Variants in ADGRL3 observed in about 807,000 individuals in gnomAD.
The protein encoded by ADGRL3 is calcium-independent alpha-latrotoxin receptor 3.
In ADGRL3, 62 loss-of-function variants were observed where a neutral mutation model predicts 153.5. That is an observed-to-expected ratio of 0.40 (90% CI 0.33 to 0.50). The LOEUF (loss-of-function observed/expected upper bound fraction) is 0.50. Ranked by LOEUF, ADGRL3 falls within the 20% of genes least tolerant of loss-of-function variation. The pLI is 0.47. For missense variants in ADGRL3, 1,641 were observed against 1,859.4 expected, an observed-to-expected ratio of 0.88 and a Z score of 2.16; for synonymous variants, 710 against 672.5, an observed-to-expected ratio of 1.06 and a Z score of -0.86.
chr4:61,413,057 G>A (rs1489233469), intron 2 of ADGRL3, among the ~76,000 whole-genome samples: 3 of 152,140 alleles, frequency 2.0e-5, no homozygotes, highest in African/African-American at 7.2e-5. Flanking sequence ...CGTTTGAGCT[G>A]GTTTCTTTTC....
intron 5 of ADGRL3, among the ~76,000 whole-genome samples, chr4:61,670,129 A>G (rs1432703566): frequency 1.3e-5 from 2 of 152,090 alleles, no homozygotes; most frequent in Non-Finnish European, 1.5e-5. Flanking sequence ...CCCCATCTGT[A>G]CTAAAAATAC....
intron 1 of ADGRL3, among the ~76,000 whole-genome samples, chr4:61,302,737 C>T (rs2094620187): frequency 6.6e-6 from 1 of 151,920 alleles, no homozygotes; most frequent in African/African-American, 2.4e-5. Flanking sequence ...TTTTTAAAAA[C>T]CAAGTACCCG....
intron 5 of ADGRL3, among the ~76,000 whole-genome samples, chr4:61,641,825 T>A (rs2093690326): frequency 6.7e-6 from 1 of 148,948 alleles, no homozygotes; most frequent in Non-Finnish European, 1.5e-5. Context: ...CTGGGACAAA[T>A]GGTATTTCTA....
chr4:61,704,565 C>T (rs2095823981), intron 6 of ADGRL3, among the ~76,000 whole-genome samples: 1 of 152,082 alleles, frequency 6.6e-6, no homozygotes, highest in Non-Finnish European at 1.5e-5. Flanking sequence ...CTGGTGGTTG[C>T]TGAAGGTTGG....
intron 3 of ADGRL3, among the ~76,000 whole-genome samples, chr4:61,501,212 A>G (rs560175537): frequency 1.3e-5 from 2 of 152,336 alleles, no homozygotes; most frequent in South Asian, 4.1e-4. Context: ...TAGATGTACT[A>G]AAGACAGGAC....
At chr4:62,051,155 CGT>C (rs71991802) in intron 25 of ADGRL3, among the ~76,000 whole-genome samples, 1,097 of 68,420 alleles carry the variant, frequency 0.016, 16 homozygotes, top group African/African-American at 0.055. Context: ...ACACAAAGAA[CGT>C]GTGTGTGTGT....
intron 9 of ADGRL3, among the ~76,000 whole-genome samples, chr4:61,835,053 T>C (rs1190615229): frequency 6.6e-6 from 1 of 152,172 alleles, no homozygotes; most frequent in African/African-American, 2.4e-5. Context: ...TGTTTTTACC[T>C]ACTTATTATA....
intron 7 of ADGRL3, among the ~76,000 whole-genome samples, chr4:61,731,571 C>T (rs949783069): frequency 1.3e-5 from 2 of 152,008 alleles, no homozygotes; most frequent in African/African-American, 4.8e-5. Context: ...TTCTATACTC[C>T]AAAGAAGCTC....
At chr4:61,859,797 TA>T (rs1561372933) in intron 9 of ADGRL3, among the ~76,000 whole-genome samples, 2 of 152,132 alleles carry the variant, frequency 1.3e-5, no homozygotes, top group Non-Finnish European at 2.9e-5. Flanking sequence ...TTATTCTTAC[TA>T]AAAAGGGAAG....
chr4:61,886,874 T>C (rs1374016106), intron 9 of ADGRL3, among the ~76,000 whole-genome samples: 1 of 151,998 alleles, frequency 6.6e-6, no homozygotes, highest in Non-Finnish European at 1.5e-5. Context: ...CTCAAACTCC[T>C]GACCTCAGAT....
At chr4:61,269,452 C>T (rs552184773) in intron 1 of ADGRL3, among the ~76,000 whole-genome samples, 13 of 151,648 alleles carry the variant, frequency 8.6e-5, no homozygotes, top group South Asian at 4.1e-4. Flanking sequence ...CCTCATTGTA[C>T]GAGACAGGTA....
intron 5 of ADGRL3, among the ~76,000 whole-genome samples, chr4:61,641,856 C>T (rs930516363): frequency 1.0e-4 from 15 of 148,842 alleles, no homozygotes; most frequent in African/African-American, 2.0e-4. Flanking sequence ...CCTGAGGAAT[C>T]GCCACACTGA....
intron 9 of ADGRL3, among the ~76,000 whole-genome samples, chr4:61,817,964 A>G (rs1470388878): frequency 6.6e-6 from 1 of 152,128 alleles, no homozygotes; most frequent in African/African-American, 2.4e-5. Flanking sequence ...GTAGAGACAC[A>G]GCCAAACCAT....
intron 1 of ADGRL3, among the ~76,000 whole-genome samples, chr4:61,252,762 T>C (rs556909610): frequency 6.6e-6 from 1 of 152,034 alleles, no homozygotes; most frequent in East Asian, 1.9e-4. Context: ...TTAATGATAC[T>C]ATTCTAAACT....
intron 2 of ADGRL3, among the ~76,000 whole-genome samples, chr4:61,463,037 A>T (rs964068119): frequency 6.6e-6 from 1 of 152,182 alleles, no homozygotes; most frequent in African/African-American, 2.4e-5. Context: ...GGTTAAAAGT[A>T]AAGTGAATAT....
At position 61,541,643 on chromosome 4, in the gene ADGRL3, G is replaced by A. The variant is rs114798605; in HGVS notation, c.259+24125G>A. 2.5e-3 allele frequency among the ~76,000 whole-genome samples: 374 copies of A among 152,114 alleles called. 4 individuals are homozygous for A. The highest frequency in any genetic ancestry group is 8.6e-3 in the African/African-American group (356 of 41,494). ...AGAAATAGGAGCTCTATTCAGCTTG[G>A]TTACCTGGACAGCAATTCCTCGCTA... is the stretch of plus-strand genomic sequence containing the variant. On this transcript the variant is annotated intron_variant, in intron 4 of 26. Transcript: ENST00000683033.
At chr4:61,694,025 C>A (rs1206802405) in intron 6 of ADGRL3, among the ~76,000 whole-genome samples, 1 of 151,918 alleles carries the variant, frequency 6.6e-6, no homozygotes, top group East Asian at 1.9e-4. Flanking sequence ...AAATACTGAA[C>A]AACAACAAAA....
chr4:61,977,647 T>C (rs571598745), intron 17 of ADGRL3, among the ~76,000 whole-genome samples: 8 of 152,270 alleles, frequency 5.3e-5, no homozygotes, highest in South Asian at 2.1e-4. Flanking sequence ...TCTGGCAGTA[T>C]GAGGAGTGTT....
intron 1 of ADGRL3, among the ~76,000 whole-genome samples, chr4:61,207,281 G>T (rs1026494737): frequency 3.9e-5 from 6 of 152,048 alleles, no homozygotes; most frequent in African/African-American, 1.2e-4. Flanking sequence ...TCCAACTTAT[G>T]AGTGAGAACA....
Sources: allele counts gnomAD v4.1 joint callset (sites outside exome capture counted in the v4.1 genomes callset), GRCh38; gene constraint gnomAD v4.1.1; transcripts MANE v1.5; gene names NCBI Gene and HGNC (gene_info 2026-07-23, HGNC 2026-07-21).